Variants in POLA2 observed in about 807,000 individuals in gnomAD.
The protein encoded by POLA2 is DNA polymerase alpha subunit B.
A neutral mutation model predicts 82.8 loss-of-function variants in POLA2; 47 were observed. The observed-to-expected ratio is 0.57, with a 90% CI of 0.45 to 0.72. The LOEUF is 0.72. POLA2 is among the 30% of genes least tolerant of loss of function. The probability of loss-of-function intolerance (pLI) is 0.00; values close to 1 mark genes in which losing one functional copy is unlikely to be tolerated. For missense variants in POLA2, 634 were observed against 728.1 expected (o/e 0.87, Z 1.49); for synonymous variants, 287 against 286.8 (o/e 1.00, Z -0.01).
intron 8 of POLA2, among the ~76,000 whole-genome samples, chr11:65,305,144 C>T (rs1949880237): frequency 6.6e-6 from 1 of 152,092 alleles, no homozygotes; most frequent in Non-Finnish European, 1.5e-5. Flanking sequence ...ACCAAATTTT[C>T]TCTCCCTTCT....
At chr11:65,302,665 A>T (rs1949865100), downstream of POLA2, among the ~76,000 whole-genome samples, 1 of 152,048 alleles carries the variant, frequency 6.6e-6, no homozygotes. Context: ...TCCAAGGGCT[A>T]GGGGTCAGGA....
chr11:65,262,364 T>A lies in POLA2; in HGVS notation c.72T>A (p.Ile24=). The part of the protein sequence containing the change: ...IFGLDCEEAL[I]EKLVELCVQY... ...GCCTAGACTGCGAGGAGGCTCTAAT[T>A]GAGAAATGTGAGTCCCGCACCCCTC... The change falls in exon 1 of 18, where the codon ATT becomes ATA. Residue 24 remains isoleucine, a synonymous_variant. Transcript: ENST00000265465. The A allele has an allele frequency of 4.3e-6, 7 of 1,612,394 alleles. No individual in the cohort carries two copies. Among genetic ancestry groups the A allele is most frequent in the Non-Finnish European group, 5.1e-6 (6 of 1,178,904 alleles).
At chr11:65,290,941 G>C (rs1341770053) in intron 13 of POLA2, among the ~76,000 whole-genome samples, 1 of 152,258 alleles carries the variant, frequency 6.6e-6, no homozygotes, top group Non-Finnish European at 1.5e-5. Flanking sequence ...GAAACTCTCA[G>C]TGAGGGTGGG....
intron 4 of POLA2, among the ~76,000 whole-genome samples, chr11:65,270,470 T>G (rs1054845377): frequency 6.6e-6 from 1 of 152,206 alleles, no homozygotes; most frequent in African/African-American, 2.4e-5. Context: ...AAAGAAATAA[T>G]TAGGTGTTTG....
rs748306754 is a variant in POLA2 at position 65,294,180 on chromosome 11, G to A, written c.1272G>A (p.Pro424=). ...CCGGCTCCCACCTTGTCTTTGTCCC[G>A]TCATTGAGAGATGTGCACCATGAGC... ...RSSGSHLVFV[P]SLRDVHHEPV... Residue 424 remains proline, a synonymous_variant, in exon 14 of 18, where the codon CCG becomes CCA. Transcript: ENST00000265465. The A allele has an allele frequency of 1.4e-5, 22 of 1,613,944 alleles. 1 individual carries two copies. Among genetic ancestry groups the A allele is most frequent in the South Asian group, 1.1e-4 (10 of 91,076 alleles).
downstream of POLA2, among the ~76,000 whole-genome samples, chr11:65,302,473 G>T (rs921015159): frequency 6.6e-5 from 10 of 152,054 alleles, no homozygotes; most frequent in Non-Finnish European, 1.2e-4. Flanking sequence ...GTGGCACAAG[G>T]GGAAAAAGGA....
chr11:65,303,598 C>T (rs193136184), downstream of POLA2, among the ~76,000 whole-genome samples: 74 of 152,276 alleles, frequency 4.9e-4, no homozygotes, highest in African/African-American at 1.7e-3. Flanking sequence ...TCTGTAAGCA[C>T]TCCACACCCC....
chr11:65,287,917 C>G (rs1035911155), intron 11 of POLA2, 77 bp downstream of exon 11: 30 of 1,362,714 alleles, frequency 2.2e-5, no homozygotes, highest in African/African-American at 4.3e-5. Context: ...TTTTAGGAAG[C>G]ATGTCAGTCC....
At chr11:65,291,975 A>G (rs929907011) in intron 13 of POLA2, among the ~76,000 whole-genome samples, 2 of 152,256 alleles carry the variant, frequency 1.3e-5, no homozygotes, top group African/African-American at 4.8e-5. Flanking sequence ...CACGGGGCTC[A>G]CGCCTATAAT....
At position 65,282,479 on chromosome 11, in the gene POLA2, G is replaced by C; in HGVS notation, c.964G>C (p.Gly322Arg). ...RKLVATKLYE[G>R]VPLPFYQPTE... is the part of the protein sequence containing the mutation. ...ACTTGAGCTTTTCCCCTGTTTTTAG[G>C]GTGTGCCACTTCCATTTTATCAGCC... The change falls in exon 10 of 18, where the codon GGT becomes CGT. Residue 322 changes from glycine to arginine, a missense_variant and splice_region_variant. By Grantham distance (125) the Gly-to-Arg change is moderately radical. Transcript: ENST00000265465. The C allele has an allele frequency of 6.2e-7, 1 of 1,613,536 alleles. No individual in the cohort carries two copies. Among genetic ancestry groups the C allele is most frequent in the East Asian group, 2.2e-5 (1 of 44,874 alleles).
downstream of POLA2, among the ~76,000 whole-genome samples, chr11:65,299,537 C>T (rs763647745): frequency 1.3e-5 from 2 of 152,328 alleles, no homozygotes; most frequent in Admixed American, 1.3e-4. Flanking sequence ...GGTTGGGGGC[C>T]GGCAGGGCCA....
intron 17 of POLA2, 121 bp from the exon 18 acceptor site, chr11:65,296,999 C>T (rs373737371): frequency 1.1e-6 from 1 of 943,302 alleles, no homozygotes. Context: ...GATTTGGTTG[C>T]CTTCGTTTCC....
chr11:65,295,562 T>C lies in POLA2; in HGVS notation c.1483T>C (p.Phe495Leu). Residue 495 changes from phenylalanine to leucine, a missense_variant, in exon 16 of 18, where the codon TTC (phenylalanine) becomes CTC (leucine). Physicochemically the swap from Phe to Leu is conservative, Grantham distance 22. Coordinates refer to ENST00000265465, the MANE Select transcript of POLA2 (RefSeq NM_002689.4). ...CAGTTCTTCCGGAACTTCAGACAGATTCAGCCGAATACTCAAGCACATCTT... is the reference window on the plus strand; with the variant it reads ...CAGTTCTTCCGGAACTTCAGACAGACTCAGCCGAATACTCAAGCACATCTT... The part of the protein sequence containing the change: ...ISSSSGTSDR[F>L]SRILKHILTQ... 1 of 1,614,044 alleles carries C rather than the reference T, an allele frequency of 6.2e-7. No individual in the cohort carries two copies. Among genetic ancestry groups the C allele is most frequent in the South Asian group, 1.1e-5 (1 of 91,084 alleles).
chr11:65,282,412 C>T (rs2137547010), intron 9 of POLA2, 67 bp from the exon 10 acceptor site: 1 of 1,377,704 alleles, frequency 7.3e-7, no homozygotes, highest in South Asian at 1.2e-5. Flanking sequence ...AACCTGGTGC[C>T]CTCCCCTTTC....
intron 4 of POLA2, among the ~76,000 whole-genome samples, chr11:65,271,556 G>T (rs1272597724): frequency 6.6e-6 from 1 of 152,154 alleles, no homozygotes; most frequent in African/African-American, 2.4e-5. Flanking sequence ...ACTAAATTGT[G>T]AATCAAAGTT....
In POLA2 at chr11:65,281,737, A is replaced by G; in HGVS notation, c.963+5A>G. ...GTTGCCACCAAACTCTACGAGGTAC[A>G]CAGCAGTACCCCCACTTGCCTCTTG... On this transcript the variant is annotated splice_donor_5th_base_variant and intron_variant, in intron 9 of 17. Transcript: ENST00000265465. 6.2e-7 allele frequency: 1 copy of G among 1,610,678 alleles called. No individual in the cohort carries two copies. The highest frequency in any genetic ancestry group is 8.5e-7 in the Non-Finnish European group (1 of 1,176,836).
intron 4 of POLA2, among the ~76,000 whole-genome samples, chr11:65,274,881 C>T (rs1331015930): frequency 6.6e-6 from 1 of 152,140 alleles, no homozygotes; most frequent in Non-Finnish European, 1.5e-5. Flanking sequence ...CCTCCTCAGA[C>T]ATGAGGTCTC....
intron 4 of POLA2, among the ~76,000 whole-genome samples, chr11:65,269,270 C>G (rs1268490773): frequency 6.6e-6 from 1 of 152,096 alleles, no homozygotes; most frequent in Non-Finnish European, 1.5e-5. Flanking sequence ...ATCACGAGGT[C>G]AGGAGATCGA....
Position 65,268,717 on chromosome 11 carries a change from C to T in POLA2, c.342C>T (p.Thr114=). The part of the protein sequence containing the change: ...EEEEILLNSY[T]TPSKGSQKRA... ...AGGAAATCCTCTTGAACTCTTACAC[C>T]ACACCTTCAAAGGTAAGTAAACAGT... The change falls in exon 4 of 18, where the codon ACC becomes ACT. Residue 114 remains threonine, a synonymous_variant. Transcript: ENST00000265465. 1 of 1,586,178 alleles carries T rather than the reference C, an allele frequency of 6.3e-7. No individual in the cohort carries two copies. The highest frequency in any genetic ancestry group is 1.7e-4 in the Middle Eastern group (1 of 6,016).
Sources: gnomAD v4.1 joint callset for allele counts (sites outside exome capture counted in the v4.1 genomes callset) on GRCh38, gnomAD v4.1.1 for gene constraint, MANE v1.5 for transcripts, NCBI Gene and HGNC (gene_info 2026-07-23, HGNC 2026-07-21) for gene names.